The following VAV3 variants were observed in gnomAD, a reference collection of about 807,000 sequenced individuals.
VAV3 encodes guanine nucleotide exchange factor VAV3.
VAV3 carries 94 observed loss-of-function variants against 131.2 expected under a neutral mutation model. That is an observed-to-expected ratio of 0.72 (90% CI 0.61 to 0.85). The LOEUF is 0.85. Ranked by LOEUF, VAV3 falls within the 40% of genes least tolerant of loss-of-function variation. The pLI is 0.00. For missense variants in VAV3, 939 were observed against 1,002.7 expected (o/e 0.94, Z 0.86); for synonymous variants, 349 against 342.0 (o/e 1.02, Z -0.22).
intron 7 of VAV3, 74 bp from the exon 8 acceptor site, chr1:107,766,624 T>TTAGTTTGC: frequency 8.7e-7 from 1 of 1,145,040 alleles, no homozygotes. Context: ...CAGAATCCTT[T>TTAGTTTGC]TAGTTGCTAG....
At chr1:107,605,659 C>A (rs1199831968) in intron 22 of VAV3, among the ~76,000 whole-genome samples, 1 of 152,096 alleles carries the variant, frequency 6.6e-6, no homozygotes, top group African/African-American at 2.4e-5. Flanking sequence ...CACTAAAATG[C>A]AGATTATAGT....
chr1:107,644,881 A>C (rs573246301), intron 19 of VAV3, among the ~76,000 whole-genome samples: 3 of 151,930 alleles, frequency 2.0e-5, no homozygotes, highest in African/African-American at 4.8e-5. Flanking sequence ...ATGTAAAATT[A>C]TATTTAACAT....
intron 2 of VAV3, among the ~76,000 whole-genome samples, chr1:107,829,400 C>G (rs1220167256): frequency 1.3e-5 from 2 of 152,138 alleles, no homozygotes; most frequent in African/African-American, 4.8e-5. Flanking sequence ...AAGTCATTAC[C>G]ATGCTCTACA....
chr1:107,699,469 G>C (rs867576656), intron 17 of VAV3, among the ~76,000 whole-genome samples: 1 of 152,204 alleles, frequency 6.6e-6, no homozygotes, highest in Non-Finnish European at 1.5e-5. Context: ...GAGTGTCTGC[G>C]GGTTTTCCAG....
At chr1:107,591,624 A>C in intron 25 of VAV3, among the ~76,000 whole-genome samples, 1 of 152,208 alleles carries the variant, frequency 6.6e-6, no homozygotes, top group Non-Finnish European at 1.5e-5. Flanking sequence ...AGATATAGCC[A>C]GCAAATGGGA....
At chr1:107,591,684 T>C (rs893676468) in intron 25 of VAV3, among the ~76,000 whole-genome samples, 1 of 152,164 alleles carries the variant, frequency 6.6e-6, no homozygotes, top group Admixed American at 6.6e-5. Flanking sequence ...AGACTTAAAG[T>C]AGCAAGGAGA....
At chr1:107,741,376 G>A (rs890696816) in intron 15 of VAV3, among the ~76,000 whole-genome samples, 5 of 152,028 alleles carry the variant, frequency 3.3e-5, no homozygotes, top group African/African-American at 7.3e-5. Context: ...CACTCTGTCC[G>A]GCCTGACTAG....
chr1:107,936,002 T>C (rs182936493), intron 1 of VAV3, among the ~76,000 whole-genome samples: 7 of 152,302 alleles, frequency 4.6e-5, no homozygotes, highest in Admixed American at 3.3e-4. Context: ...AGGACACATT[T>C]ATGCCCCTTT....
rs774333407 is a variant in VAV3 at position 107,772,793 on chromosome 1, TC to T, written c.496del (p.Glu166LysfsTer11). 1 of 1,613,844 alleles carries T rather than the reference TC, an allele frequency of 6.2e-7. No homozygotes were observed. Among genetic ancestry groups the T allele is most frequent in the South Asian group, 1.1e-5 (1 of 91,054 alleles). ...CTCATAGACTTCTCCACCTTCATCT[TC>T]CCCATAAACACAGTCATAGAGATCT... ...EEDLYDCVYGEDEGGEVYEDL... is the reference protein window; with the variant it reads ...EEDLYDCVYGXDEGGEVYEDL... On this transcript the variant is annotated frameshift_variant, in exon 5 of 27. Transcript: ENST00000370056. LOFTEE classifies it high-confidence loss of function.
intron 10 of VAV3, among the ~76,000 whole-genome samples, chr1:107,758,829 T>C (rs1664259149): frequency 6.6e-6 from 1 of 152,188 alleles, no homozygotes; most frequent in East Asian, 1.9e-4. Context: ...AGACAACTTA[T>C]ATTCTATTCA....
Position 107,590,967 on chromosome 1 carries a change from G to C in VAV3, c.2350+5245C>G, listed in dbSNP as rs114845224. Among the ~76,000 whole-genome samples, 310 of 152,236 alleles carry C rather than the reference G, an allele frequency of 2.0e-3. 2 individuals are homozygous for C. The highest frequency in any genetic ancestry group is 7.1e-3 in the African/African-American group (294 of 41,530). On this transcript the variant is annotated intron_variant, in intron 25 of 26. Coordinates refer to ENST00000370056, the MANE Select transcript of VAV3 (RefSeq NM_006113.5). ...TGTAAATTAGTTCATGCCATTTTCT[G>C]TCTGTAAAACTTCAATACTTTCCTA...
At chr1:107,576,260 A>G (rs1235852664) in intron 25 of VAV3, 7 of 671,122 alleles carry the variant, frequency 1.0e-5, no homozygotes, top group Non-Finnish European at 1.6e-5. Context: ...AGTAAAGTGC[A>G]TGGTGGTAAT....
Position 107,699,992 on chromosome 1 carries a change from T to C in VAV3, c.1705+4558A>G, listed in dbSNP as rs1437968716. ...ACCAAAGGTTATGAGGCTGAGGAATTTGAAAATCCACCTTCAGTTCTTTGA... is the reference window on the plus strand; with the variant it reads ...ACCAAAGGTTATGAGGCTGAGGAATCTGAAAATCCACCTTCAGTTCTTTGA... On this transcript the variant is annotated intron_variant, in intron 17 of 26. Transcript: ENST00000370056. Among the ~76,000 whole-genome samples, 6 of 152,144 alleles carry C rather than the reference T, an allele frequency of 3.9e-5. No homozygotes were observed. The South Asian group carries it at 6.2e-4, about 16-fold the overall frequency.
chr1:107,575,078 T>C (rs1304095644), intron 25 of VAV3, among the ~76,000 whole-genome samples: 1 of 151,844 alleles, frequency 6.6e-6, no homozygotes, highest in Non-Finnish European at 1.5e-5. Flanking sequence ...CTGGCCCTGC[T>C]GGCCCTGTTC....
intron 1 of VAV3, among the ~76,000 whole-genome samples, chr1:107,916,797 C>T (rs1216377742): frequency 6.6e-6 from 1 of 151,958 alleles, no homozygotes; most frequent in African/African-American, 2.4e-5. Flanking sequence ...TGAATTAATA[C>T]GATTCATGGA....
chr1:107,933,374 A>G (rs1673550300), intron 1 of VAV3, among the ~76,000 whole-genome samples: 2 of 151,932 alleles, frequency 1.3e-5, no homozygotes, highest in Admixed American at 1.3e-4. Flanking sequence ...TCTTAGACTC[A>G]TTGCTCTTGA....
At chr1:107,586,696 A>C (rs1487664114) in intron 25 of VAV3, among the ~76,000 whole-genome samples, 1 of 152,062 alleles carries the variant, frequency 6.6e-6, no homozygotes, top group African/African-American at 2.4e-5. Context: ...AGGAATGAAG[A>C]GGTAGGAAGG....
At position 107,786,080 on chromosome 1, in the gene VAV3, T is replaced by C. The variant is rs79537343; in HGVS notation, c.322-6588A>G. ...AAAAATGTCCTTAGCACCTCCTCTA[T>C]GGGCAAAGCAAAGCAGTACAGCCAG... On this transcript the variant is annotated intron_variant, in intron 2 of 26. Coordinates refer to ENST00000370056, the MANE Select transcript of VAV3 (RefSeq NM_006113.5). 1.2e-3 allele frequency among the ~76,000 whole-genome samples: 176 copies of C among 152,250 alleles called. 3 individuals carry two copies. The East Asian group carries it at 0.025, about 22-fold the overall frequency.
At chr1:107,814,789 T>G (rs1667493586) in intron 2 of VAV3, among the ~76,000 whole-genome samples, 3 of 152,178 alleles carry the variant, frequency 2.0e-5, no homozygotes, top group African/African-American at 7.2e-5. Flanking sequence ...GGAAGAATAT[T>G]CTAGCAGCAA....
Sources: gnomAD v4.1 joint callset for allele counts (sites outside exome capture counted in the v4.1 genomes callset) on GRCh38, gnomAD v4.1.1 for gene constraint, MANE v1.5 for transcripts, NCBI Gene and HGNC (gene_info 2026-07-23, HGNC 2026-07-21) for gene names.